The following ARL13B variants were observed in gnomAD, a reference collection of about 807,000 sequenced individuals.
ARL13B encodes the protein ARF like GTPase 13B.
ARL13B carries 36 observed loss-of-function variants against 56.1 expected under a neutral mutation model. That is an observed-to-expected ratio of 0.64 (90% CI 0.49 to 0.85). The LOEUF (loss-of-function observed/expected upper bound fraction) is 0.85. Among genes scored for constraint, ARL13B ranks in the 40% least tolerant of loss-of-function variants. The probability of loss-of-function intolerance (pLI) is 0.00; values close to 1 mark genes in which losing one functional copy is unlikely to be tolerated. For missense variants in ARL13B, 519 were observed against 507.1 expected, an observed-to-expected ratio of 1.02 and a Z score of -0.23; for synonymous variants, 178 against 171.1, an observed-to-expected ratio of 1.04 and a Z score of -0.32.
intron 7 of ARL13B, among the ~76,000 whole-genome samples, chr3:94,043,998 G>A (rs2076925150): frequency 6.6e-6 from 1 of 151,936 alleles, no homozygotes; most frequent in South Asian, 2.1e-4. Flanking sequence ...CGTGATCTCG[G>A]CTCGCTACAA....
chr3:93,992,164 A>AT (rs2075888291), intron 1 of ARL13B, among the ~76,000 whole-genome samples: 1 of 152,192 alleles, frequency 6.6e-6, no homozygotes, highest in African/African-American at 2.4e-5. Context: ...TGCATAGTAT[A>AT]TATGTATTTA....
At position 94,030,037 on chromosome 3, in the gene ARL13B, G is replaced by T. The variant is rs974927198; in HGVS notation, c.381-5294G>T. ...GAATATTCACAGTGCCCAAATTATG[G>T]TCCTTGAAATACCATTTTCTCCATA... On this transcript the variant is annotated intron_variant, in intron 3 of 9. Transcript: ENST00000394222. 2.6e-5 allele frequency among the ~76,000 whole-genome samples: 4 copies of T among 151,994 alleles called. No homozygotes were observed. In the East Asian group the frequency reaches 7.7e-4, roughly 29 times the overall value.
chr3:94,014,471 T>TTA (rs2076284992), intron 3 of ARL13B: 1 of 1,605,872 alleles, frequency 6.2e-7, no homozygotes, highest in South Asian at 1.1e-5. Context: ...AGTCCAAATT[T>TTA]CTCTTTAGTA....
intron 1 of ARL13B, among the ~76,000 whole-genome samples, chr3:93,983,658 T>G (rs114229099): frequency 1.6e-3 from 250 of 152,230 alleles, no homozygotes; most frequent in Non-Finnish European, 2.5e-3. Context: ...GGGTTTTTTT[T>G]GTTTTGTTTT....
chr3:94,005,939 G>A (rs986673048), intron 3 of ARL13B, among the ~76,000 whole-genome samples: 5 of 152,128 alleles, frequency 3.3e-5, no homozygotes, highest in Non-Finnish European at 7.4e-5. Flanking sequence ...GCCACCGTTA[G>A]CATTTTGATG....
At chr3:94,029,333 TA>T (rs56088433) in intron 3 of ARL13B, among the ~76,000 whole-genome samples, 4,059 of 73,744 alleles carry the variant, frequency 0.055, 200 homozygotes, top group African/African-American at 0.077. Flanking sequence ...TATATATATA[TA>T]TTTATTTTTT....
rs775829254 is a variant in ARL13B, at chr3:94,049,435, A to G, written c.1054A>G (p.Arg352Gly). The change falls in exon 8 of 10, where the codon AGA becomes GGA. Residue 352 changes from arginine to glycine, a missense_variant. By Grantham distance (125) the Arg-to-Gly change is moderately radical. Coordinates refer to ENST00000394222, the MANE Select transcript of ARL13B (RefSeq NM_001174150.2). Reference protein sequence around the residue: ...ANGKKKTKKLRMKRNHRVEPL... With the variant: ...ANGKKKTKKLGMKRNHRVEPL... The stretch of plus-strand genomic sequence containing the variant: ...TGGTAAAAAGAAAACTAAGAAACTA[A>G]GAATGAAAAGGAACCACCGGGTAGA... 2 of 1,608,550 alleles carry G rather than the reference A, an allele frequency of 1.2e-6. No individual in the cohort carries two copies. The highest frequency in any genetic ancestry group is 4.5e-5 in the East Asian group (2 of 44,736).
chr3:94,044,519 G>A (rs938465740), intron 7 of ARL13B, among the ~76,000 whole-genome samples: 11 of 143,482 alleles, frequency 7.7e-5, no homozygotes, highest in South Asian at 2.2e-4. Flanking sequence ...AGTGAGGAGC[G>A]CTTCTGCCTG....
intron 3 of ARL13B, among the ~76,000 whole-genome samples, chr3:94,033,508 C>T (rs2107100738): frequency 6.6e-6 from 1 of 152,058 alleles, no homozygotes; most frequent in East Asian, 1.9e-4. Context: ...TTTTAAGAGG[C>T]ACCAAGTAGT....
At chr3:93,982,084 A>G (rs1710250484) in intron 1 of ARL13B, among the ~76,000 whole-genome samples, 1 of 152,184 alleles carries the variant, frequency 6.6e-6, no homozygotes, top group Non-Finnish European at 1.5e-5. Context: ...ACGTTCTTTT[A>G]ACGAGAAACA....
chr3:94,051,049 T>C (rs940036862), intron 9 of ARL13B, among the ~76,000 whole-genome samples, 157 bp downstream of exon 9: 1 of 152,178 alleles, frequency 6.6e-6, no homozygotes, highest in Non-Finnish European at 1.5e-5. Flanking sequence ...TTTTATTTAA[T>C]TTTTTATTCT....
chr3:94,006,367 G>A (rs1242842539), intron 3 of ARL13B, among the ~76,000 whole-genome samples: 1 of 151,998 alleles, frequency 6.6e-6, no homozygotes, highest in Non-Finnish European at 1.5e-5. Context: ...TTGAATGTCT[G>A]ACCAAGCCCC....
intron 3 of ARL13B, among the ~76,000 whole-genome samples, chr3:94,012,111 CTTT>C (rs752849394): frequency 7.6e-4 from 115 of 152,106 alleles, no homozygotes; most frequent in African/African-American, 2.7e-3. Flanking sequence ...TCCTCTTCTT[CTTT>C]GAGTCTAAAT....
At chr3:94,039,812 G>A (rs2107135937) in intron 5 of ARL13B, 68 bp from the exon 6 acceptor site, 21 of 1,281,972 alleles carry the variant, frequency 1.6e-5, no homozygotes, top group Non-Finnish European at 2.4e-5. Context: ...TATACCTATT[G>A]CAGTTTTCTT....
In ARL13B at chr3:94,053,284, C is replaced by A. The variant is rs773051308; in HGVS notation, c.*21C>A. On this transcript the variant is annotated 3_prime_UTR_variant, in exon 10 of 10. Transcript: ENST00000394222. The stretch of plus-strand genomic sequence containing the variant: ...CATAAACAAGACGTATGGAGGAGTT[C>A]TCTTAATATCAGCAAGGTGAACTGG... The A allele has an allele frequency of 2.1e-5, 33 of 1,602,274 alleles. No individual in the cohort carries two copies. The highest frequency in any genetic ancestry group is 6.8e-6 in the Non-Finnish European group (8 of 1,170,152).
At chr3:94,018,344 A>G (rs1027582576) in intron 3 of ARL13B, among the ~76,000 whole-genome samples, 1 of 152,222 alleles carries the variant, frequency 6.6e-6, no homozygotes, top group African/African-American at 2.4e-5. Context: ...AACTAGAAGC[A>G]ATAGGACTTG....
intron 5 of ARL13B, among the ~76,000 whole-genome samples, chr3:94,038,392 A>G (rs1419350126): frequency 6.6e-6 from 1 of 152,004 alleles, no homozygotes; most frequent in Non-Finnish European, 1.5e-5. Context: ...ATTTCCATCT[A>G]GAACACAGCT....
At chr3:94,023,853 G>T (rs1053855145) in intron 3 of ARL13B, among the ~76,000 whole-genome samples, 6 of 152,040 alleles carry the variant, frequency 3.9e-5, no homozygotes, top group Admixed American at 6.6e-5. Context: ...AGATAATATA[G>T]CATATAGGAT....
Position 94,005,919 on chromosome 3 carries a change from T to G in ARL13B, c.380+2011T>G, listed in dbSNP as rs1308054460. Among the ~76,000 whole-genome samples the G allele has an allele frequency of 5.9e-5, 9 of 152,200 alleles. No individual in the cohort carries two copies. The East Asian group carries it at 1.7e-3, about 29-fold the overall frequency. ...GTTTAAAAACATGATTGACTTACCA[T>G]CCAGGGCCAGCCACCGTTAGCATTT... is the stretch of plus-strand genomic sequence containing the variant. On this transcript the variant is annotated intron_variant, in intron 3 of 9. Coordinates refer to ENST00000394222, the MANE Select transcript of ARL13B (RefSeq NM_001174150.2).
Sources: allele counts gnomAD v4.1 joint callset (sites outside exome capture counted in the v4.1 genomes callset), GRCh38; gene constraint gnomAD v4.1.1; transcripts MANE v1.5; gene names NCBI Gene and HGNC (gene_info 2026-07-23, HGNC 2026-07-21).